The following SHOC1 variants were observed in gnomAD, a reference collection of about 807,000 sequenced individuals.
SHOC1 encodes the protein shortage in chiasmata 1, also known as protein shortage in chiasmata 1 ortholog.
Under a neutral mutation model 179.2 loss-of-function variants are expected in SHOC1, and 136 were observed. The ratio of observed to expected loss-of-function variants is 0.76; its 90% CI spans 0.66 to 0.87. The LOEUF is 0.87. Among genes scored for constraint, SHOC1 ranks in the 40% least tolerant of loss-of-function variants. SHOC1 has a pLI of 0.00. For missense variants in SHOC1, 1,538 were observed against 1,700.8 expected (o/e 0.90, Z 1.68); for synonymous variants, 489 against 586.6 (o/e 0.83, Z 2.41).
chr9:111,745,871 G>T (rs903521518), intron 10 of SHOC1, among the ~76,000 whole-genome samples: 2 of 152,090 alleles, frequency 1.3e-5, no homozygotes, highest in African/African-American at 4.8e-5. Flanking sequence ...CCAATGCCAG[G>T]ATCTTCAAAA....
At chr9:111,738,818 T>A (rs1833918300) in intron 11 of SHOC1, among the ~76,000 whole-genome samples, 1 of 152,194 alleles carries the variant, frequency 6.6e-6, no homozygotes. Context: ...TGTTTGACCA[T>A]TTTCAATTAT....
chr9:111,711,312 C>T (rs56145554), intron 18 of SHOC1, among the ~76,000 whole-genome samples: 1,973 of 152,186 alleles, frequency 0.013, 19 homozygotes, highest in Middle Eastern at 0.024. Context: ...CTGGATGAAG[C>T]CCAACCTTTC....
At chr9:111,689,348 A>AATAATAATT (rs1554707165) in intron 27 of SHOC1, among the ~76,000 whole-genome samples, 2 of 146,558 alleles carry the variant, frequency 1.4e-5, no homozygotes, top group Admixed American at 6.8e-5. Context: ...TAATAATAAT[A>AATAATAATT]ATTATTATTA....
At chr9:111,730,627 C>T (rs1421066637) in intron 12 of SHOC1, among the ~76,000 whole-genome samples, 1 of 152,180 alleles carries the variant, frequency 6.6e-6, no homozygotes, top group African/African-American at 2.4e-5. Context: ...ATGCTGTAAA[C>T]AGATGTGCTA....
intron 4 of SHOC1, among the ~76,000 whole-genome samples, chr9:111,776,981 C>G (rs977432383): frequency 1.3e-5 from 2 of 152,158 alleles, no homozygotes; most frequent in African/African-American, 4.8e-5. Context: ...ATTTGTGGAT[C>G]AGAGTTTTTA....
In SHOC1 at chr9:111,724,020, T is replaced by C. The variant is rs989398022; in HGVS notation, c.1835-109A>G. 17 of 770,442 alleles carry C rather than the reference T, an allele frequency of 2.2e-5. 1 individual carries two copies. In the South Asian group the frequency reaches 2.3e-4, roughly 10 times the overall value. The allele number at this position is 770,442 out of a possible 1,614,324, so 47.7% of individuals were successfully genotyped here. A position where few individuals can be genotyped will look rare whatever the true frequency, so the allele number is the denominator to read the frequency against. On this transcript the variant is annotated intron_variant, in intron 13 of 27. Transcript: ENST00000682961. Reference sequence around the variant, plus strand: ...TGATCACAGTTGTTAAATTTCTTCATTGAAACACATCAGTATTAAAGTGAA... The same window carrying C: ...TGATCACAGTTGTTAAATTTCTTCACTGAAACACATCAGTATTAAAGTGAA...
chr9:111,763,023 T>C (rs1382738053), intron 5 of SHOC1, among the ~76,000 whole-genome samples: 1 of 152,056 alleles, frequency 6.6e-6, no homozygotes, highest in African/African-American at 2.4e-5. Context: ...TTTTGTTATA[T>C]ACAAGCAATA....
At position 111,741,579 on chromosome 9, in the gene SHOC1, AAG is replaced by A. The variant is rs1455510210; in HGVS notation, c.1080-11_1080-10del. The A allele has an allele frequency of 2.0e-6, 3 of 1,495,560 alleles. No homozygotes were observed. Among genetic ancestry groups the A allele is most frequent in the Admixed American group, 1.8e-5 (1 of 56,144 alleles). The allele number at this position is 1,495,560 out of a possible 1,614,324, so 92.6% of individuals were successfully genotyped here. A position where few individuals can be genotyped will look rare whatever the true frequency, so the allele number is the denominator to read the frequency against. The stretch of plus-strand genomic sequence containing the variant: ...CAGCAGTAAGCAAATTACTGAAAAA[AAG>A]AGTTAAAGTTTAATACATTAATAAT... On this transcript the variant is annotated splice_polypyrimidine_tract_variant and intron_variant, in intron 10 of 27. Coordinates refer to ENST00000682961, the MANE Select transcript of SHOC1 (RefSeq NM_001378211.1).
At position 111,727,759 on chromosome 9, in the gene SHOC1, C is replaced by T. The variant is rs756991658; in HGVS notation, c.1708G>A (p.Ala570Thr). 6 of 1,613,336 alleles carry T rather than the reference C, an allele frequency of 3.7e-6. No individual in the cohort carries two copies. Among genetic ancestry groups the T allele is most frequent in the Non-Finnish European group, 5.1e-6 (6 of 1,179,628 alleles). The change falls in exon 13 of 28, where the codon GCA becomes ACA. Residue 570 changes from alanine (A) to threonine (T), a missense_variant. Ala to Thr is a moderately conservative substitution (Grantham distance 58, BLOSUM62 0). Transcript: ENST00000682961. ...KSPSSSIIKK[A>T]SFEHGKKQEN... ...TGTTTTTTGCCATGTTCAAAAGATG[C>T]TTTTTTAATTATTGAAGAGGAAGGT...
At chr9:111,782,161 A>C (rs1022854894) in intron 3 of SHOC1, among the ~76,000 whole-genome samples, 6 of 152,150 alleles carry the variant, frequency 3.9e-5, no homozygotes, top group Non-Finnish European at 7.4e-5. Flanking sequence ...GCAGTGAGCC[A>C]AGATAGCACC....
At chr9:111,768,672 G>GT (rs1328880975) in intron 5 of SHOC1, among the ~76,000 whole-genome samples, 2 of 152,106 alleles carry the variant, frequency 1.3e-5, no homozygotes, top group African/African-American at 2.4e-5. Context: ...ATAAATCTTT[G>GT]TTTTTTCTAG....
intron 1 of SHOC1, among the ~76,000 whole-genome samples, chr9:111,791,739 T>C (rs1836453225): frequency 6.6e-6 from 1 of 152,208 alleles, no homozygotes; most frequent in Admixed American, 6.5e-5. Context: ...ATTTACAAGA[T>C]TGCCGGAGTG....
intron 8 of SHOC1, among the ~76,000 whole-genome samples, chr9:111,749,772 GTGTTT>G (rs1235477509): frequency 7.9e-5 from 12 of 152,126 alleles, no homozygotes; most frequent in African/African-American, 2.7e-4. Context: ...AGAACATGTG[GTGTTT>G]GGCTTTCTGT....
intron 1 of SHOC1, among the ~76,000 whole-genome samples, chr9:111,792,906 G>A (rs1442403994): frequency 1.3e-5 from 2 of 148,236 alleles, no homozygotes; most frequent in East Asian, 2.0e-4. Flanking sequence ...TTTTTGAGAC[G>A]GAGTCTCGCT....
intron 15 of SHOC1, among the ~76,000 whole-genome samples, chr9:111,721,784 C>T (rs1391266119): frequency 1.3e-5 from 2 of 152,158 alleles, no homozygotes; most frequent in South Asian, 2.1e-4. Flanking sequence ...GGACTCTTAC[C>T]TCCTGTTTCC....
chr9:111,722,649 CA>C (rs1387508169), intron 14 of SHOC1, 64 bp from the exon 15 acceptor site: 3 of 1,345,660 alleles, frequency 2.2e-6, no homozygotes, highest in East Asian at 2.5e-5. Context: ...TTTGATGAAC[CA>C]ATTAAATGTT....
chr9:111,703,429 T>C (rs1832080427), intron 22 of SHOC1, among the ~76,000 whole-genome samples: 1 of 152,150 alleles, frequency 6.6e-6, no homozygotes, highest in Non-Finnish European at 1.5e-5. Context: ...CCAAACTATA[T>C]GAATTTTTGA....
chr9:111,716,481 C>T (rs752016172), intron 16 of SHOC1, among the ~76,000 whole-genome samples: 1 of 145,842 alleles, frequency 6.9e-6, no homozygotes, highest in African/African-American at 2.6e-5. Flanking sequence ...GCCTGTGCCT[C>T]GCGGGTTCAA....
chr9:111,708,935 G>A (rs1477727066), intron 18 of SHOC1, among the ~76,000 whole-genome samples: 2 of 152,242 alleles, frequency 1.3e-5, no homozygotes, highest in Middle Eastern at 3.4e-3. Flanking sequence ...ATAATAATGA[G>A]AGTAATGGTC....
Sources: gnomAD v4.1 joint callset for allele counts (sites outside exome capture counted in the v4.1 genomes callset) on GRCh38, gnomAD v4.1.1 for gene constraint, MANE v1.5 for transcripts, NCBI Gene and HGNC (gene_info 2026-07-23, HGNC 2026-07-21) for gene names.